The following PHF24 variants were observed in gnomAD, a reference collection of about 807,000 sequenced individuals.
PHF24 encodes Galpha inhibitory interacting protein.
PHF24 carries 25 observed loss-of-function variants against 42.6 expected under a neutral mutation model. The ratio of observed to expected loss-of-function variants is 0.59; its 90% confidence interval spans 0.43 to 0.82. PHF24 has a LOEUF of 0.82. Ranked by LOEUF, PHF24 falls within the 40% of genes least tolerant of loss-of-function variation. The pLI, the probability that PHF24 is intolerant of heterozygous loss-of-function variation, is 0.00. For synonymous variants in PHF24, 185 were observed against 204.8 expected (o/e 0.90, Z 0.83); for missense variants, 470 against 538.1 (o/e 0.87, Z 1.25).
chr9:34,689,880 TAGAC>T, the PHF24 span: 1 of 1,614,168 alleles, frequency 6.2e-7, no homozygotes, highest in Non-Finnish European at 8.5e-7. The surrounding 1 kb of genome is among the most constrained non-coding windows in gnomAD (Gnocchi z 4.1). Context: ...GCTGGAATCT[TAGAC>T]AGGAGCTCAG....
At chr9:34,919,031 T>TA in the PHF24 span, among the ~76,000 whole-genome samples, 3 of 152,174 alleles carry the variant, frequency 2.0e-5, no homozygotes, top group Non-Finnish European at 4.4e-5. Context: ...TAATTTCATT[T>TA]AAAAAAATTA....
At chr9:34,694,667 C>T in the PHF24 span, among the ~76,000 whole-genome samples, 1 of 151,860 alleles carries the variant, frequency 6.6e-6, no homozygotes, top group Non-Finnish European at 1.5e-5. Flanking sequence ...TGAGATTTCA[C>T]CATGTTGGCC....
At chr9:34,817,360 G>A in the PHF24 span, among the ~76,000 whole-genome samples, 20 of 151,906 alleles carry the variant, frequency 1.3e-4, no homozygotes, top group East Asian at 3.9e-4. Flanking sequence ...TCTTCCTGTC[G>A]CAGTCTCCCA....
the PHF24 span, among the ~76,000 whole-genome samples, chr9:34,777,458 G>C: frequency 6.6e-6 from 1 of 152,186 alleles, no homozygotes; most frequent in Admixed American, 6.5e-5. Flanking sequence ...CCAGATTGTG[G>C]CTAGGGCGAG....
chr9:34,847,191 A>G, the PHF24 span, among the ~76,000 whole-genome samples: 1 of 152,188 alleles, frequency 6.6e-6, no homozygotes, highest in Non-Finnish European at 1.5e-5. Context: ...TACCTTGGGC[A>G]GTATGGCCAT....
At chr9:34,909,625 T>A in the PHF24 span, among the ~76,000 whole-genome samples, 1 of 137,398 alleles carries the variant, frequency 7.3e-6, no homozygotes, top group Non-Finnish European at 1.6e-5. Context: ...GAAGAAATCC[T>A]TTTTTTTTTT....
At chr9:34,873,547 C>G in the PHF24 span, among the ~76,000 whole-genome samples, 6 of 151,900 alleles carry the variant, frequency 3.9e-5, no homozygotes, top group Non-Finnish European at 8.8e-5. Flanking sequence ...GGGCTCTGTT[C>G]TGTTCCATTG....
chr9:34,904,310 GA>G, the PHF24 span, among the ~76,000 whole-genome samples: 6 of 152,134 alleles, frequency 3.9e-5, no homozygotes, highest in Non-Finnish European at 8.8e-5. Context: ...CCCCTTCTCA[GA>G]GGGAATACTT....
At chr9:34,817,876 C>T in the PHF24 span, among the ~76,000 whole-genome samples, 1 of 152,080 alleles carries the variant, frequency 6.6e-6, no homozygotes, top group Non-Finnish European at 1.5e-5. Flanking sequence ...ATCAATTGGC[C>T]ATATATGTAG....
At chr9:34,869,631 G>A in the PHF24 span, among the ~76,000 whole-genome samples, 8 of 152,126 alleles carry the variant, frequency 5.3e-5, no homozygotes, top group Middle Eastern at 3.4e-3. Context: ...AGAGAAATGT[G>A]TGTGTTTTGT....
At chr9:34,847,458 G>T in the PHF24 span, among the ~76,000 whole-genome samples, 5 of 122,954 alleles carry the variant, frequency 4.1e-5, no homozygotes, top group South Asian at 2.7e-4. Flanking sequence ...TTTGTATCCT[G>T]AGACTTTGCT....
intron 1 of PHF24, among the ~76,000 whole-genome samples, chr9:34,969,235 T>C (rs748919485): frequency 9.2e-5 from 14 of 152,226 alleles, no homozygotes; most frequent in Non-Finnish European, 1.9e-4. Context: ...ACTCGACACC[T>C]GAATGTCCCA....
At chr9:34,938,098 A>G in the PHF24 span, among the ~76,000 whole-genome samples, 1 of 152,188 alleles carries the variant, frequency 6.6e-6, no homozygotes, top group Non-Finnish European at 1.5e-5. Flanking sequence ...CAGTGTGTTA[A>G]CCTTAGAAAT....
At chr9:34,716,088 G>C in the PHF24 span, among the ~76,000 whole-genome samples, 1 of 152,210 alleles carries the variant, frequency 6.6e-6, no homozygotes, top group Non-Finnish European at 1.5e-5. Context: ...GTGCGTTGCT[G>C]CTCCTGGGTT....
the PHF24 span, among the ~76,000 whole-genome samples, chr9:34,761,215 G>A: frequency 2.0e-5 from 3 of 151,984 alleles, no homozygotes; most frequent in East Asian, 5.8e-4. Context: ...TCAACTTCTG[G>A]TGTTTTTTGT....
the PHF24 span, among the ~76,000 whole-genome samples, chr9:34,805,110 T>A: frequency 1.3e-5 from 2 of 152,252 alleles, no homozygotes; most frequent in Non-Finnish European, 1.5e-5. Context: ...ATTTATTTGC[T>A]GATGAACATT....
the PHF24 span, among the ~76,000 whole-genome samples, chr9:34,677,850 C>T: frequency 1.3e-5 from 2 of 152,158 alleles, no homozygotes; most frequent in African/African-American, 2.4e-5. Flanking sequence ...ATCTCCTCCT[C>T]GTCCATTGTC....
At chr9:34,937,381 T>G in the PHF24 span, among the ~76,000 whole-genome samples, 1 of 152,286 alleles carries the variant, frequency 6.6e-6, no homozygotes, top group South Asian at 2.1e-4. Flanking sequence ...ACATGTGCTG[T>G]GTCCACTCAG....
At chr9:34,946,888 A>G in the PHF24 span, among the ~76,000 whole-genome samples, 1 of 152,248 alleles carries the variant, frequency 6.6e-6, no homozygotes, top group African/African-American at 2.4e-5. Context: ...AGAAAGGGAA[A>G]TGAAACAAAA....
Sources: allele counts gnomAD v4.1 joint callset (sites outside exome capture counted in the v4.1 genomes callset), GRCh38; gene constraint gnomAD v4.1.1; non-coding constraint Gnocchi (gnomAD v3.1); transcripts MANE v1.5; gene names NCBI Gene and HGNC (gene_info 2026-07-23, HGNC 2026-07-21).